Variants in KCNIP4 observed in about 807,000 individuals in gnomAD.
KCNIP4 encodes potassium voltage-gated channel interacting protein 4.
Under a neutral mutation model 34.0 loss-of-function variants are expected in KCNIP4, and 12 were observed. The observed-to-expected ratio is 0.35, with a 90% CI of 0.23 to 0.57. The LOEUF is 0.57. Among genes scored for constraint, KCNIP4 ranks in the 20% least tolerant of loss-of-function variants. KCNIP4 has a pLI of 0.83. For synonymous variants in KCNIP4, 124 were observed against 102.2 expected, an observed-to-expected ratio of 1.21 and a Z score of -1.29; for missense variants, 238 against 311.7, an observed-to-expected ratio of 0.76 and a Z score of 1.78.
chr4:21,088,057 C>T (rs1560709874), intron 1 of KCNIP4, among the ~76,000 whole-genome samples: 1 of 152,092 alleles, frequency 6.6e-6, no homozygotes, highest in Non-Finnish European at 1.5e-5. Context: ...AATGTCTATT[C>T]AAATGTGTAC....
At chr4:21,707,046 G>A (rs1270666270) in intron 1 of KCNIP4, among the ~76,000 whole-genome samples, 2 of 152,140 alleles carry the variant, frequency 1.3e-5, no homozygotes, top group African/African-American at 4.8e-5. Context: ...ATCAACTTTG[G>A]TTATAGCTCT....
chr4:21,338,582 A>G (rs554911194), intron 1 of KCNIP4, among the ~76,000 whole-genome samples: 1 of 151,488 alleles, frequency 6.6e-6, no homozygotes, highest in African/African-American at 2.4e-5. Flanking sequence ...ACTCCAGCCT[A>G]GGTGACAGAG....
chr4:21,780,229 G>C (rs763026526), intron 1 of KCNIP4, among the ~76,000 whole-genome samples: 1 of 152,148 alleles, frequency 6.6e-6, no homozygotes, highest in Non-Finnish European at 1.5e-5. Flanking sequence ...ATCTGATGTT[G>C]TCACCTGAGC....
chr4:21,255,833 GA>G (rs1761024774), intron 1 of KCNIP4, among the ~76,000 whole-genome samples: 1 of 152,130 alleles, frequency 6.6e-6, no homozygotes, highest in Non-Finnish European at 1.5e-5. Context: ...AAATTGACTT[GA>G]AGAAACATGT....
At chr4:20,837,141 T>G (rs1408193520) in intron 3 of KCNIP4, among the ~76,000 whole-genome samples, 1 of 152,084 alleles carries the variant, frequency 6.6e-6, no homozygotes, top group African/African-American at 2.4e-5. Context: ...CTTCTAAAAT[T>G]TTTATGGGAG....
At chr4:21,045,067 G>A (rs1025750942) in intron 1 of KCNIP4, among the ~76,000 whole-genome samples, 2 of 152,150 alleles carry the variant, frequency 1.3e-5, no homozygotes, top group African/African-American at 4.8e-5. Flanking sequence ...CCAGCTATGG[G>A]GACGCATAAT....
At chr4:21,422,653 GTGTGTT>G (rs1725578441) in intron 1 of KCNIP4, among the ~76,000 whole-genome samples, 1 of 119,884 alleles carries the variant, frequency 8.3e-6, no homozygotes, top group Admixed American at 8.6e-5. Flanking sequence ...TCGTTTATGT[GTGTGTT>G]TGTGTGTGTG....
chr4:21,508,899 G>T (rs1734079368), intron 1 of KCNIP4, among the ~76,000 whole-genome samples: 1 of 45,506 alleles, frequency 2.2e-5, no homozygotes, highest in South Asian at 6.0e-4. Flanking sequence ...GCTGCTGTTA[G>T]TTGAGCGCTG....
At chr4:20,877,367 T>C (rs1380241469) in intron 2 of KCNIP4, among the ~76,000 whole-genome samples, 4 of 152,198 alleles carry the variant, frequency 2.6e-5, no homozygotes, top group Non-Finnish European at 4.4e-5. Flanking sequence ...AAATTGTCCC[T>C]TCATTCAACT....
chr4:21,545,930 C>A (rs1577571470), intron 1 of KCNIP4, among the ~76,000 whole-genome samples: 1 of 152,186 alleles, frequency 6.6e-6, no homozygotes, highest in East Asian at 1.9e-4. Context: ...AATGGTATTT[C>A]TAGTTCTAGA....
intron 1 of KCNIP4, among the ~76,000 whole-genome samples, chr4:21,796,380 G>C (rs577354569): frequency 6.6e-6 from 1 of 152,238 alleles, no homozygotes; most frequent in Admixed American, 6.5e-5. Flanking sequence ...GGTGTTGACT[G>C]GAGTGACCTC....
At chr4:21,875,448 T>TC (rs1210348163) in intron 1 of KCNIP4, among the ~76,000 whole-genome samples, 1 of 152,232 alleles carries the variant, frequency 6.6e-6, no homozygotes, top group African/African-American at 2.4e-5. Flanking sequence ...AAAATGCTTT[T>TC]CTACGTTGAA....
At chr4:20,759,553 C>T (rs987214655) in intron 3 of KCNIP4, among the ~76,000 whole-genome samples, 56 of 152,084 alleles carry the variant, frequency 3.7e-4, no homozygotes, top group African/African-American at 1.3e-3. Context: ...GGACATTGAT[C>T]TTGGGAACTA....
intron 1 of KCNIP4, among the ~76,000 whole-genome samples, chr4:21,911,508 CTTTTTTTTTTTTT>C (rs67157154): frequency 0.1 from 3,698 of 37,140 alleles, 90 homozygotes; most frequent in Middle Eastern, 0.24. Flanking sequence ...AGGCGCTTGA[CTTTTTTTTTTTTT>C]TTTTTTTTTT....
intron 1 of KCNIP4, among the ~76,000 whole-genome samples, chr4:21,830,448 G>A (rs1273381762): frequency 4.6e-5 from 7 of 151,976 alleles, no homozygotes; most frequent in African/African-American, 1.7e-4. Flanking sequence ...GCCGAGGCGG[G>A]CTGGATCACT....
Position 21,037,960 on chromosome 4 carries a change from TG to T in KCNIP4, c.62-155252del, listed in dbSNP as rs370936965. Among the ~76,000 whole-genome samples, 46 of 1,502 alleles carry T rather than the reference TG, an allele frequency of 0.031. No individual in the cohort carries two copies. The South Asian group carries it at 0.4, about 13-fold the overall frequency. 1.0% of individuals were successfully genotyped at this position (1,502 alleles called of 152,430 possible). ...CCCAAAAAACAAACATACAAAATGC[TG>T]GGGGTTTTTTTTTGTTTGTTTTTGT... On this transcript the variant is annotated intron_variant, in intron 1 of 8. Coordinates refer to ENST00000382152, the MANE Select transcript of KCNIP4 (RefSeq NM_025221.6).
chr4:21,864,624 T>A (rs576612378), intron 1 of KCNIP4, among the ~76,000 whole-genome samples: 1 of 152,224 alleles, frequency 6.6e-6, no homozygotes, highest in Admixed American at 6.5e-5. Context: ...TATTTTTCAA[T>A]TGATGAGGGA....
At chr4:20,865,402 CA>C in intron 2 of KCNIP4, among the ~76,000 whole-genome samples, 1 of 152,058 alleles carries the variant, frequency 6.6e-6, no homozygotes, top group East Asian at 1.9e-4. Flanking sequence ...AAATGTGATA[CA>C]TTTTTAAATA....
chr4:21,016,867 T>C (rs1480622679), intron 1 of KCNIP4, among the ~76,000 whole-genome samples: 1 of 152,200 alleles, frequency 6.6e-6, no homozygotes, highest in Non-Finnish European at 1.5e-5. Flanking sequence ...TTGGAAGGAA[T>C]CTTAAAGTTT....
Sources: allele counts gnomAD v4.1 joint callset (sites outside exome capture counted in the v4.1 genomes callset), GRCh38; gene constraint gnomAD v4.1.1; transcripts MANE v1.5; gene names NCBI Gene and HGNC (gene_info 2026-07-23, HGNC 2026-07-21).